LRP1B: variants seen among roughly 807,000 people sequenced by gnomAD.
The protein encoded by LRP1B is LDL receptor related protein 1B, also known as low-density lipoprotein receptor-related protein 1B.
LRP1B carries 217 observed loss-of-function variants against 556.6 expected under a neutral mutation model. The ratio of observed to expected loss-of-function variants is 0.39; its 90% CI spans 0.35 to 0.44. LRP1B has a LOEUF of 0.44. Ranked by LOEUF, LRP1B falls within the 20% of genes least tolerant of loss-of-function variation. LRP1B has a pLI of 1.00. For synonymous variants in LRP1B, 2,047 were observed against 1,865.8 expected, an observed-to-expected ratio of 1.10 and a Z score of -2.50; for missense variants, 5,053 against 5,620.8, an observed-to-expected ratio of 0.90 and a Z score of 3.23.
chr2:141,130,736 TC>T (rs1319730046), intron 7 of LRP1B, among the ~76,000 whole-genome samples: 1 of 152,038 alleles, frequency 6.6e-6, no homozygotes, highest in Non-Finnish European at 1.5e-5. Context: ...TAATTTACAC[TC>T]CCACCTTTTT....
intron 45 of LRP1B, among the ~76,000 whole-genome samples, chr2:140,540,662 C>A (rs1047210800): frequency 1.3e-5 from 2 of 152,076 alleles, no homozygotes; most frequent in African/African-American, 4.8e-5. Flanking sequence ...TGATTGAATT[C>A]ACAAAGTCAC....
intron 2 of LRP1B, among the ~76,000 whole-genome samples, chr2:141,789,566 A>T (rs1026872791): frequency 1.3e-5 from 2 of 152,020 alleles, no homozygotes; most frequent in African/African-American, 4.8e-5. Flanking sequence ...TTGGATTAGT[A>T]AGAAACACAC....
chr2:140,644,401 CT>C (rs34828807), intron 41 of LRP1B, among the ~76,000 whole-genome samples: 2,190 of 132,782 alleles, frequency 0.016, 36 homozygotes, highest in African/African-American at 0.05. Context: ...TTTCTTTTTT[CT>C]TTTTTTTTTT....
At chr2:140,514,309 G>A (rs979272222) in intron 51 of LRP1B, among the ~76,000 whole-genome samples, 3 of 151,870 alleles carry the variant, frequency 2.0e-5, no homozygotes, top group African/African-American at 4.8e-5. Context: ...GGGTAACTTG[G>A]TGGTACATAG....
At chr2:141,463,548 A>T (rs1448648243) in intron 3 of LRP1B, among the ~76,000 whole-genome samples, 1 of 22,682 alleles carries the variant, frequency 4.4e-5, no homozygotes, top group South Asian at 6.6e-4. Flanking sequence ...ATTATATATA[A>T]TTATATATAA....
chr2:140,534,973 G>A (rs1690884343), intron 46 of LRP1B, among the ~76,000 whole-genome samples: 1 of 152,096 alleles, frequency 6.6e-6, no homozygotes, highest in African/African-American at 2.4e-5. Context: ...TTAACCTCAG[G>A]TGTGAGTCCA....
At chr2:140,293,453 G>A (rs184693897) in intron 84 of LRP1B, among the ~76,000 whole-genome samples, 1 of 152,130 alleles carries the variant, frequency 6.6e-6, no homozygotes, top group Non-Finnish European at 1.5e-5. Flanking sequence ...GGCTGCTGCT[G>A]TTAAAATTAA....
intron 35 of LRP1B, among the ~76,000 whole-genome samples, chr2:140,717,054 A>G (rs1279313250): frequency 1.3e-5 from 2 of 152,032 alleles, no homozygotes; most frequent in Admixed American, 6.6e-5. Flanking sequence ...AATATTATAG[A>G]AATAATCTAT....
At chr2:141,095,072 CT>C (rs1237505528) in intron 7 of LRP1B, among the ~76,000 whole-genome samples, 1 of 152,140 alleles carries the variant, frequency 6.6e-6, no homozygotes, top group Non-Finnish European at 1.5e-5. Context: ...ATTTAGCCCC[CT>C]TTTACAATTG....
At chr2:140,352,107 A>G (rs1296448829) in intron 76 of LRP1B, among the ~76,000 whole-genome samples, 2 of 152,138 alleles carry the variant, frequency 1.3e-5, no homozygotes, top group Non-Finnish European at 2.9e-5. Context: ...TAGCATAAAC[A>G]CATGAATATT....
Position 140,959,495 on chromosome 2 carries a change from G to A in LRP1B, c.2888-7555C>T, listed in dbSNP as rs1303962908. On this transcript the variant is annotated intron_variant, in intron 18 of 90. Coordinates refer to ENST00000389484, the MANE Select transcript of LRP1B (RefSeq NM_018557.3). ...ATAATTACTACTAAAATGAATGTAG[G>A]TTTAATGTAGTCCTAAAGTTAATAA... 3.3e-5 allele frequency among the ~76,000 whole-genome samples: 5 copies of A among 151,550 alleles called. No homozygotes were observed. In the East Asian group the frequency reaches 5.8e-4, roughly 18 times the overall value.
At chr2:142,058,936 C>T (rs367994138) in intron 1 of LRP1B, among the ~76,000 whole-genome samples, 4 of 151,988 alleles carry the variant, frequency 2.6e-5, no homozygotes, top group East Asian at 1.9e-4. Flanking sequence ...CCACAAGTTC[C>T]ACATTTGTAA....
chr2:141,840,123 A>G (rs1697415547), intron 1 of LRP1B, among the ~76,000 whole-genome samples: 1 of 152,154 alleles, frequency 6.6e-6, no homozygotes, highest in African/African-American at 2.4e-5. Flanking sequence ...ATCATGTAGA[A>G]ATATGAACGA....
chr2:140,981,338 ATACT>A (rs775047042), intron 18 of LRP1B, among the ~76,000 whole-genome samples: 5 of 152,148 alleles, frequency 3.3e-5, no homozygotes, highest in Non-Finnish European at 7.4e-5. Flanking sequence ...ATTAAAATGT[ATACT>A]TATTGTATTA....
At chr2:140,926,153 A>T (rs1694880537) in intron 20 of LRP1B, among the ~76,000 whole-genome samples, 1 of 147,142 alleles carries the variant, frequency 6.8e-6, no homozygotes, top group African/African-American at 2.6e-5. Flanking sequence ...CTGCATTATA[A>T]TAACATAAAA....
chr2:141,447,068 C>A (rs1285161630), intron 3 of LRP1B, among the ~76,000 whole-genome samples: 1 of 151,994 alleles, frequency 6.6e-6, no homozygotes, highest in Non-Finnish European at 1.5e-5. Context: ...TAGGTTTGGT[C>A]TTTTCACATA....
At chr2:141,257,297 G>GT (rs941971339) in intron 3 of LRP1B, among the ~76,000 whole-genome samples, 1 of 152,006 alleles carries the variant, frequency 6.6e-6, no homozygotes, top group African/African-American at 2.4e-5. Flanking sequence ...AAGAATGAGG[G>GT]TAGAGATTTG....
At chr2:141,595,600 T>C (rs1308924885) in intron 2 of LRP1B, among the ~76,000 whole-genome samples, 1 of 152,142 alleles carries the variant, frequency 6.6e-6, no homozygotes, top group Non-Finnish European at 1.5e-5. Flanking sequence ...TTTTATGTAA[T>C]GTTTTGACAA....
At chr2:141,004,597 A>C (rs1697515539) in intron 15 of LRP1B, among the ~76,000 whole-genome samples, 1 of 152,054 alleles carries the variant, frequency 6.6e-6, no homozygotes, top group Non-Finnish European at 1.5e-5. Flanking sequence ...TACACAAGGC[A>C]ATTCCTTATA....
Sources: allele counts gnomAD v4.1 joint callset (sites outside exome capture counted in the v4.1 genomes callset), GRCh38; gene constraint gnomAD v4.1.1; transcripts MANE v1.5; gene names NCBI Gene and HGNC (gene_info 2026-07-23, HGNC 2026-07-21).